Variants in TMTC2 observed in about 807,000 individuals in gnomAD.
TMTC2 encodes protein O-mannosyl-transferase TMTC2.
In TMTC2, 43 loss-of-function variants were observed where a neutral mutation model predicts 82.4. The observed-to-expected ratio is 0.52, with a 90% CI of 0.41 to 0.67. TMTC2 has a LOEUF of 0.67. Among genes scored for constraint, TMTC2 ranks in the 30% least tolerant of loss-of-function variants. The pLI is 0.00. For missense variants in TMTC2, 919 were observed against 1,012.4 expected, an observed-to-expected ratio of 0.91 and a Z score of 1.25; for synonymous variants, 408 against 381.9, an observed-to-expected ratio of 1.07 and a Z score of -0.80.
In TMTC2 at chr12:83,130,025, A is replaced by G. The variant is rs115265140; in HGVS notation, c.2332-2185A>G. Among the ~76,000 whole-genome samples the G allele has an allele frequency of 5.6e-3, 860 of 152,296 alleles. 13 individuals carry two copies. The highest frequency in any genetic ancestry group is 0.018 in the African/African-American group (733 of 41,568). On this transcript the variant is annotated intron_variant, in intron 11 of 11. Coordinates refer to ENST00000321196, the MANE Select transcript of TMTC2 (RefSeq NM_152588.3). ...TGATTCAAGAAATAATGACTATCCC[A>G]CAGAGCCATCTGTTTTCTCTCAACC...
chr12:83,051,072 T>C, intron 10 of TMTC2, 54 bp downstream of exon 10: 1 of 1,296,488 alleles, frequency 7.7e-7, no homozygotes, highest in Admixed American at 2.2e-5. Context: ...GGGTAATTAA[T>C]TATACGAATT....
At chr12:82,937,771 T>TAC (rs1565818353) in intron 4 of TMTC2, among the ~76,000 whole-genome samples, 683 of 23,054 alleles carry the variant, frequency 0.03, 15 homozygotes, top group Non-Finnish European at 0.049. Context: ...TATATATATA[T>TAC]ATATATATAT....
At chr12:82,741,385 A>G (rs1875398243) in intron 1 of TMTC2, among the ~76,000 whole-genome samples, 1 of 152,130 alleles carries the variant, frequency 6.6e-6, no homozygotes, top group Non-Finnish European at 1.5e-5. Context: ...ATCTTGACTC[A>G]GTGCAACCTC....
chr12:82,765,403 G>A (rs1876896737), intron 1 of TMTC2, among the ~76,000 whole-genome samples: 1 of 152,036 alleles, frequency 6.6e-6, no homozygotes, highest in Non-Finnish European at 1.5e-5. Context: ...GGCCGGGCGC[G>A]GCAGCTCGTG....
chr12:82,728,144 A>G (rs1874559728), intron 1 of TMTC2, among the ~76,000 whole-genome samples: 1 of 151,882 alleles, frequency 6.6e-6, no homozygotes, highest in South Asian at 2.1e-4. Flanking sequence ...GGCAGGCCCC[A>G]CTGCTGTTCC....
At chr12:83,051,417 A>G (rs1211951795) in intron 10 of TMTC2, among the ~76,000 whole-genome samples, 1 of 152,064 alleles carries the variant, frequency 6.6e-6, no homozygotes, top group African/African-American at 2.4e-5. Flanking sequence ...CCCCTGGTCT[A>G]TGTGCACCAT....
intron 3 of TMTC2, among the ~76,000 whole-genome samples, chr12:82,921,925 C>G (rs1875417624): frequency 6.6e-6 from 1 of 150,498 alleles, no homozygotes; most frequent in Non-Finnish European, 1.5e-5. Context: ...TAGTGAGACC[C>G]ACCTCTACAA....
intron 3 of TMTC2, among the ~76,000 whole-genome samples, chr12:82,901,162 A>C (rs1217052821): frequency 1.7e-5 from 1 of 58,842 alleles, no homozygotes; most frequent in Non-Finnish European, 3.0e-5. Flanking sequence ...AGGAATATAT[A>C]TATATCTGGA....
chr12:83,093,165 A>C (rs1055257692), intron 11 of TMTC2, among the ~76,000 whole-genome samples: 1 of 152,178 alleles, frequency 6.6e-6, no homozygotes, highest in Non-Finnish European at 1.5e-5. Context: ...CTCCTCCCTT[A>C]GAAGCATGTG....
chr12:83,038,359 A>C (rs956835775), intron 9 of TMTC2, among the ~76,000 whole-genome samples: 1 of 152,164 alleles, frequency 6.6e-6, no homozygotes, highest in Non-Finnish European at 1.5e-5. Context: ...AGGGAATTAA[A>C]ATATAAATTA....
intron 8 of TMTC2, among the ~76,000 whole-genome samples, chr12:82,998,992 T>C (rs1465670324): frequency 6.6e-6 from 1 of 152,202 alleles, no homozygotes; most frequent in East Asian, 1.9e-4. Context: ...ATTATTAATA[T>C]AATACATTAG....
rs866831530 is a variant in TMTC2 at position 82,869,073 on chromosome 12, A to G, written c.654+11493A>G. ...ATAGATAAAATTGGTTTTGGATTTC[A>G]GAAAATTCAATACATAAAAATATGA... On this transcript the variant is annotated intron_variant, in intron 2 of 11. Transcript: ENST00000321196. 2.6e-5 allele frequency among the ~76,000 whole-genome samples: 4 copies of G among 152,180 alleles called. No individual in the cohort carries two copies. In the South Asian group the frequency reaches 6.2e-4, roughly 24 times the overall value.
chr12:82,811,961 G>C (rs1451141991), intron 1 of TMTC2, among the ~76,000 whole-genome samples: 1 of 151,586 alleles, frequency 6.6e-6, no homozygotes, highest in Non-Finnish European at 1.5e-5. Flanking sequence ...GGGATTATAG[G>C]CACCTGTCAC....
chr12:82,760,360 G>T (rs572951213), intron 1 of TMTC2: 1 of 151,152 alleles, frequency 6.6e-6, no homozygotes, highest in South Asian at 2.1e-4. Flanking sequence ...ACAAAAATGC[G>T]TATGTATCCT....
At chr12:83,087,452 C>G (rs532963960) in intron 11 of TMTC2, among the ~76,000 whole-genome samples, 3 of 152,288 alleles carry the variant, frequency 2.0e-5, no homozygotes, top group Admixed American at 2.0e-4. Flanking sequence ...AATGGTGAAT[C>G]CTTTCCAGAA....
In TMTC2 at chr12:82,850,329, A is replaced by G. The variant is rs190229511; in HGVS notation, c.84-6681A>G. Among the ~76,000 whole-genome samples, 123 of 152,308 alleles carry G rather than the reference A, an allele frequency of 8.1e-4. 2 individuals carry two copies. Among genetic ancestry groups the G allele is most frequent in the Admixed American group, 6.8e-3 (104 of 15,308 alleles). On this transcript the variant is annotated intron_variant, in intron 1 of 11. Coordinates refer to ENST00000321196, the MANE Select transcript of TMTC2 (RefSeq NM_152588.3). Reference sequence around the variant, plus strand: ...TTTAGAGAGGCTAATTCGCAAAAGCAGCACATGTAGTGTTAATAGAAGACC... The same window carrying G: ...TTTAGAGAGGCTAATTCGCAAAAGCGGCACATGTAGTGTTAATAGAAGACC...
At chr12:82,709,074 G>A (rs935120556) in intron 1 of TMTC2, among the ~76,000 whole-genome samples, 1 of 149,938 alleles carries the variant, frequency 6.7e-6, no homozygotes, top group Non-Finnish European at 1.5e-5. Context: ...ACATACTGCT[G>A]TGATAGGATT....
At chr12:83,022,217 A>T (rs1880964692) in intron 8 of TMTC2, among the ~76,000 whole-genome samples, 1 of 151,880 alleles carries the variant, frequency 6.6e-6, no homozygotes, top group Non-Finnish European at 1.5e-5. Flanking sequence ...TTTTTATGGG[A>T]TTTGCTCAAC....
intron 1 of TMTC2, among the ~76,000 whole-genome samples, chr12:82,761,541 C>T (rs993276323): frequency 3.3e-5 from 5 of 152,212 alleles, no homozygotes; most frequent in Non-Finnish European, 7.3e-5. Context: ...GCCTTACCAT[C>T]TATAGGGGTG....
Sources: allele counts gnomAD v4.1 joint callset (sites outside exome capture counted in the v4.1 genomes callset), GRCh38; gene constraint gnomAD v4.1.1; transcripts MANE v1.5; gene names NCBI Gene and HGNC (gene_info 2026-07-23, HGNC 2026-07-21).